Variants in TDP1 observed in about 807,000 individuals in gnomAD.
The protein encoded by TDP1 is tyr-DNA phosphodiesterase 1.
In TDP1, 64 loss-of-function variants were observed where a neutral mutation model predicts 81.5. The observed-to-expected ratio is 0.79, with a 90% CI of 0.64 to 0.97. The LOEUF (loss-of-function observed/expected upper bound fraction) is 0.97. TDP1 is among the 50% of genes least tolerant of loss of function. The pLI, the probability that TDP1 is intolerant of heterozygous loss-of-function variation, is 0.00. For missense variants in TDP1, 723 were observed against 743.8 expected (o/e 0.97, Z 0.33); for synonymous variants, 256 against 264.3 (o/e 0.97, Z 0.30).
chr14:89,967,070 A>G, intron 4 of TDP1: 1 of 985,296 alleles, frequency 1.0e-6, no homozygotes, highest in African/African-American at 1.7e-5. Context: ...CAGGGCCATT[A>G]GACATAATGT....
rs755173721 is a variant in TDP1, at chr14:90,043,398, G to A, written c.*255G>A. 10 of 562,676 alleles carry A rather than the reference G, an allele frequency of 1.8e-5. No individual in the cohort carries two copies. Among genetic ancestry groups the A allele is most frequent in the Admixed American group, 6.2e-5 (2 of 32,454 alleles). 34.9% of individuals were successfully genotyped at this position (562,676 alleles called of 1,614,324 possible). The stretch of plus-strand genomic sequence containing the variant: ...GTGAACTTCTCTATGTTAAAAATAC[G>A]TACTGCTTGAGTATCCCCTGTCTGA... On this transcript the variant is annotated 3_prime_UTR_variant, in exon 17 of 17. Coordinates refer to ENST00000335725, the MANE Select transcript of TDP1 (RefSeq NM_018319.4).
chr14:89,969,732 T>G (rs1299018604), intron 5 of TDP1, among the ~76,000 whole-genome samples: 3 of 152,174 alleles, frequency 2.0e-5, no homozygotes, highest in African/African-American at 7.2e-5. Flanking sequence ...TTCTCTCTAG[T>G]TGATTGTTGT....
At chr14:89,973,857 C>T (rs1343165529) in intron 6 of TDP1, among the ~76,000 whole-genome samples, 1 of 152,088 alleles carries the variant, frequency 6.6e-6, no homozygotes, top group Admixed American at 6.5e-5. Flanking sequence ...CAGTTCAGTT[C>T]CAGGTGAGGG....
intron 1 of TDP1, 42 bp downstream of exon 1, chr14:89,956,012 C>G (rs369947795): frequency 6.5e-6 from 1 of 152,820 alleles, no homozygotes; most frequent in African/African-American, 2.4e-5. Flanking sequence ...GGTGCGGTCT[C>G]TCGCGGGCTG....
At chr14:89,966,857 G>A in intron 4 of TDP1, 3 of 385,624 alleles carry the variant, frequency 7.8e-6, no homozygotes, top group Non-Finnish European at 1.1e-5. Flanking sequence ...GACCAGTACA[G>A]AACTTGCATT....
rs1377780661 is a variant in TDP1, at chr14:89,989,035, T to C, written c.1262T>C (p.Leu421Pro). 1 of 1,614,024 alleles carries C rather than the reference T, an allele frequency of 6.2e-7. No individual in the cohort carries two copies. Among genetic ancestry groups the C allele is most frequent in the Non-Finnish European group, 8.5e-7 (1 of 1,179,996 alleles). Reference protein sequence around the residue: ...WLCSEFKESMLTLGKESKTPG... With the variant: ...WLCSEFKESMPTLGKESKTPG... ...TGTTCTGAGTTTAAAGAGAGCATGC[T>C]GACACTGGGGAAGGAAAGCAAGACT... is the stretch of plus-strand genomic sequence containing the variant. Residue 421 changes from leucine to proline, a missense_variant, in exon 11 of 17, where the codon CTG becomes CCG. Transcript: ENST00000335725.
At chr14:89,995,125 G>T (rs577931655) in intron 14 of TDP1, among the ~76,000 whole-genome samples, 2 of 152,306 alleles carry the variant, frequency 1.3e-5, no homozygotes, top group East Asian at 3.9e-4. Flanking sequence ...TTATGGCTTT[G>T]TAGCTTCTAG....
intron 14 of TDP1, among the ~76,000 whole-genome samples, chr14:89,998,416 A>ATGTATGTATGTATGTATG (rs1241564954): frequency 3.5e-5 from 3 of 85,782 alleles, no homozygotes; most frequent in African/African-American, 1.2e-4. Context: ...ATATATATAT[A>ATGTATGTATGTATGTATG]TATATATGTA....
rs73324597 is a variant in TDP1 at position 89,981,406 on chromosome 14, C to T, written c.884+774C>T. On this transcript the variant is annotated intron_variant, in intron 8 of 16. Transcript: ENST00000335725. ...TAAAAGGGAGCTTTAGGGATTTGCTCAACAAGTTCAGCTATTGTTCTTGAT... is the reference window on the plus strand; with the variant it reads ...TAAAAGGGAGCTTTAGGGATTTGCTTAACAAGTTCAGCTATTGTTCTTGAT... 2.6e-3 allele frequency: 1,135 copies of T among 445,062 alleles called. 10 individuals are homozygous for T. The highest frequency in any genetic ancestry group is 0.021 in the African/African-American group (1,040 of 49,516). 27.6% of individuals were successfully genotyped at this position (445,062 alleles called of 1,614,324 possible).
chr14:90,040,333 C>T (rs1475206730), intron 16 of TDP1, among the ~76,000 whole-genome samples: 3 of 152,210 alleles, frequency 2.0e-5, no homozygotes, highest in East Asian at 3.8e-4. Context: ...CTGACTACAT[C>T]AAGATCATCT....
chr14:90,026,183 T>TG (rs1383292043), intron 15 of TDP1, among the ~76,000 whole-genome samples: 1 of 152,262 alleles, frequency 6.6e-6, no homozygotes, highest in African/African-American at 2.4e-5. Context: ...TGGCTCTGGC[T>TG]GGAAGAACTA....
intron 15 of TDP1, among the ~76,000 whole-genome samples, chr14:90,029,901 G>C: frequency 6.6e-6 from 1 of 152,154 alleles, no homozygotes; most frequent in East Asian, 1.9e-4. Context: ...GAATTGTCCT[G>C]AAAATACTTA....
intron 2 of TDP1, among the ~76,000 whole-genome samples, chr14:89,960,945 C>T (rs149581810): frequency 5.9e-5 from 9 of 152,280 alleles, no homozygotes; most frequent in African/African-American, 2.2e-4. Flanking sequence ...TTATAAAGGG[C>T]TACAGCCTGC....
At chr14:90,042,443 C>A (rs1279443921) in intron 16 of TDP1, among the ~76,000 whole-genome samples, 1 of 152,302 alleles carries the variant, frequency 6.6e-6, no homozygotes, top group East Asian at 1.9e-4. Flanking sequence ...GCCAATGTGA[C>A]ACAGCTAGTA....
chr14:89,962,287 CT>C (rs1295920973), intron 2 of TDP1, among the ~76,000 whole-genome samples: 2 of 152,126 alleles, frequency 1.3e-5, no homozygotes, highest in Non-Finnish European at 2.9e-5. Flanking sequence ...GGTCATTTGG[CT>C]TTCCTCTTGA....
At chr14:90,022,999 T>A (rs550923005) in intron 15 of TDP1, 1 of 757,064 alleles carries the variant, frequency 1.3e-6, no homozygotes, top group East Asian at 2.4e-5. Flanking sequence ...CTCACTTCAG[T>A]CCCACACATA....
rs1897007402 is a variant in TDP1, at chr14:89,999,522, C to T, written c.1541+6039C>T. ...TTGATATTTTTCTACTTTATTATTA[C>T]TGATCCGTATTAATGTTTGGGTTTG... On this transcript the variant is annotated intron_variant, in intron 14 of 16. Coordinates refer to ENST00000335725, the MANE Select transcript of TDP1 (RefSeq NM_018319.4). Among the ~76,000 whole-genome samples, 4 of 152,146 alleles carry T rather than the reference C, an allele frequency of 2.6e-5. No individual in the cohort carries two copies. In the South Asian group the frequency reaches 8.3e-4, roughly 32 times the overall value.
chr14:90,004,070 G>T (rs1474026795), intron 14 of TDP1, among the ~76,000 whole-genome samples: 1 of 152,142 alleles, frequency 6.6e-6, no homozygotes, highest in Non-Finnish European at 1.5e-5. Flanking sequence ...TGTTACAAAT[G>T]ATGGTTATCA....
rs59912972 is a variant in TDP1, at chr14:90,002,327, C to A, written c.1541+8844C>A. Among the ~76,000 whole-genome samples, 905 of 152,290 alleles carry A rather than the reference C, an allele frequency of 5.9e-3. 6 individuals carry two copies. Among genetic ancestry groups the A allele is most frequent in the African/African-American group, 0.021 (868 of 41,544 alleles). ...CTAATTTGAGATTGCCACTTACTAG[C>A]CTTGCCACTTAAATTTTGGAAAACG... is the stretch of plus-strand genomic sequence containing the variant. On this transcript the variant is annotated intron_variant, in intron 14 of 16. Coordinates refer to ENST00000335725, the MANE Select transcript of TDP1 (RefSeq NM_018319.4).
Sources: allele counts gnomAD v4.1 joint callset (sites outside exome capture counted in the v4.1 genomes callset), GRCh38; gene constraint gnomAD v4.1.1; transcripts MANE v1.5; gene names NCBI Gene and HGNC (gene_info 2026-07-23, HGNC 2026-07-21).